The following LPGAT1 variants were observed in gnomAD, a reference collection of about 807,000 sequenced individuals.
LPGAT1 encodes lysophosphatidylglycerol acyltransferase 1.
In LPGAT1, 11 loss-of-function variants were observed where a neutral mutation model predicts 47.5. The observed-to-expected ratio is 0.23, with a 90% CI of 0.15 to 0.38. The LOEUF is 0.38. LPGAT1 is among the 10% of genes least tolerant of loss of function. The probability of loss-of-function intolerance (pLI) is 1.00; values close to 1 mark genes in which losing one functional copy is unlikely to be tolerated. For missense variants in LPGAT1, 293 were observed against 439.0 expected (o/e 0.67, Z 2.97); for synonymous variants, 138 against 144.2 (o/e 0.96, Z 0.31).
At chr1:211,782,340 A>T (rs1490067271) in intron 5 of LPGAT1, among the ~76,000 whole-genome samples, 2 of 152,184 alleles carry the variant, frequency 1.3e-5, no homozygotes, top group Non-Finnish European at 2.9e-5. Flanking sequence ...ATTTCAGATT[A>T]TTTCCTTTTG....
In LPGAT1 at chr1:211,749,992, G is replaced by T. The variant is rs147113335; in HGVS notation, c.1020C>A (p.Ser340Arg). ...KEAVSREMTL[S>R]NLWIFLIQSF... Reference sequence around the variant, plus strand: ...ACTGTATGAGAAATATCCACAAGTTGCTGAGGGTCATCTCCCTGGAAACAG... The same window carrying T: ...ACTGTATGAGAAATATCCACAAGTTTCTGAGGGTCATCTCCCTGGAAACAG... The change falls in exon 8 of 8, where the codon AGC (serine) becomes AGA (arginine). Residue 340 changes from serine (S) to arginine (R), a missense_variant. Physicochemically the swap from Ser to Arg is moderately radical, Grantham distance 110 (BLOSUM62 -1). Transcript: ENST00000366997. 6.2e-7 allele frequency: 1 copy of T among 1,614,038 alleles called. No individual in the cohort carries two copies. The highest frequency in any genetic ancestry group is 8.5e-7 in the Non-Finnish European group (1 of 1,179,910).
chr1:211,753,111 C>T (rs1657273591), intron 6 of LPGAT1, among the ~76,000 whole-genome samples: 1 of 152,188 alleles, frequency 6.6e-6, no homozygotes, highest in Non-Finnish European at 1.5e-5. Flanking sequence ...GAAATTTCAC[C>T]CAGATGCTGC....
intron 2 of LPGAT1, among the ~76,000 whole-genome samples, chr1:211,805,687 T>C (rs1001669250): frequency 1.3e-5 from 2 of 152,174 alleles, no homozygotes; most frequent in African/African-American, 4.8e-5. Flanking sequence ...TTGGCCCAGA[T>C]GGTTTCACTG....
intron 2 of LPGAT1, among the ~76,000 whole-genome samples, chr1:211,821,293 T>C (rs1315113820): frequency 6.6e-6 from 1 of 152,042 alleles, no homozygotes; most frequent in Non-Finnish European, 1.5e-5. Flanking sequence ...AAAAGACAAA[T>C]TCTGAAAATG....
intron 2 of LPGAT1, among the ~76,000 whole-genome samples, chr1:211,814,532 C>T (rs183313423): frequency 6.6e-6 from 1 of 152,306 alleles, no homozygotes; most frequent in African/African-American, 2.4e-5. Context: ...CATTTAAGTG[C>T]TTTCCATGTA....
At chr1:211,782,154 T>G (rs1658667120) in intron 5 of LPGAT1, among the ~76,000 whole-genome samples, 2 of 152,280 alleles carry the variant, frequency 1.3e-5, no homozygotes, top group Admixed American at 1.3e-4. Flanking sequence ...AGCACAAACG[T>G]TTTTCCAAGC....
intron 2 of LPGAT1, among the ~76,000 whole-genome samples, chr1:211,827,104 C>T (rs983577271): frequency 1.3e-5 from 2 of 152,146 alleles, no homozygotes; most frequent in African/African-American, 4.8e-5. Flanking sequence ...TATGACCAGG[C>T]TCTCTGAAAT....
At chr1:211,787,469 C>T (rs988985738) in intron 4 of LPGAT1, among the ~76,000 whole-genome samples, 163 bp downstream of exon 4, 39 of 134,816 alleles carry the variant, frequency 2.9e-4, no homozygotes, top group African/African-American at 1.1e-3. Context: ...GCCTGGGCGA[C>T]AGAGCGAGAC....
At chr1:211,779,873 TAA>T (rs1199769807) in intron 5 of LPGAT1, among the ~76,000 whole-genome samples, 3 of 122,278 alleles carry the variant, frequency 2.5e-5, no homozygotes, top group Non-Finnish European at 5.1e-5. Context: ...AATAAATAAA[TAA>T]ATAAATAAAC....
At chr1:211,774,944 T>C (rs1484349815) in intron 6 of LPGAT1, among the ~76,000 whole-genome samples, 1 of 152,214 alleles carries the variant, frequency 6.6e-6, no homozygotes, top group Non-Finnish European at 1.5e-5. Context: ...ATCTAGATAT[T>C]CTTTTTCTAC....
intron 4 of LPGAT1, among the ~76,000 whole-genome samples, chr1:211,786,547 T>G (rs531472285): frequency 6.6e-6 from 1 of 152,332 alleles, no homozygotes; most frequent in Admixed American, 6.5e-5. Context: ...AATAATGTAG[T>G]GCTGATAAGA....
rs796095298 is a variant in LPGAT1, at chr1:211,750,835, C to G, written c.961+126G>C. Reference sequence around the variant, plus strand: ...GTAAGCTGATTCATGAGGGGATTTGCTTCTCACAGGCAATTTACAGAGTGC... The same window carrying G: ...GTAAGCTGATTCATGAGGGGATTTGGTTCTCACAGGCAATTTACAGAGTGC... On this transcript the variant is annotated intron_variant, in intron 7 of 7. Coordinates refer to ENST00000366997, the MANE Select transcript of LPGAT1 (RefSeq NM_014873.3). 1.1e-5 allele frequency: 7 copies of G among 657,022 alleles called. No homozygotes were observed. In the African/African-American group the frequency reaches 1.1e-4, roughly 10 times the overall value. The allele number at this position is 657,022 out of a possible 1,614,324, so 40.7% of individuals were successfully genotyped here.
At chr1:211,750,170 G>T in intron 7 of LPGAT1, 120 bp from the exon 8 acceptor site, 1 of 800,432 alleles carries the variant, frequency 1.2e-6, no homozygotes, top group Non-Finnish European at 2.1e-6. Context: ...TGACTTTCCA[G>T]TGCCCCAGAG....
intron 2 of LPGAT1, among the ~76,000 whole-genome samples, chr1:211,802,689 A>G (rs1659620276): frequency 6.6e-6 from 1 of 152,196 alleles, no homozygotes; most frequent in South Asian, 2.1e-4. Context: ...CAGCCTTCAA[A>G]TAACAAGAGT....
intron 6 of LPGAT1, among the ~76,000 whole-genome samples, chr1:211,756,857 GTTTTTTTTTTTTTCTCTCT>G (rs1202872991): frequency 2.3e-5 from 3 of 130,748 alleles, no homozygotes; most frequent in Non-Finnish European, 5.0e-5. Context: ...TGTTTGCTTT[GTTTTTTTTTTTTTCTCTCT>G]TTTTTTTTTT....
At position 211,748,851 on chromosome 1, in the gene LPGAT1, A is replaced by G. The variant is rs573393040; in HGVS notation, c.*1048T>C. 4 of 152,690 alleles carry G rather than the reference A, an allele frequency of 2.6e-5. No individual in the cohort carries two copies. In the East Asian group the frequency reaches 7.7e-4, roughly 29 times the overall value. The allele number at this position is 152,690 out of a possible 1,614,324, so 9.5% of individuals were successfully genotyped here. ...GGGTGCCACATGAGAACCTGTCACC[A>G]TTATAAGCCACTAGCTCTTATTTTT... On this transcript the variant is annotated 3_prime_UTR_variant, in exon 8 of 8. Transcript: ENST00000366997.
chr1:211,793,402 ATTATTTAT>A (rs10597980), intron 2 of LPGAT1: 17,162 of 148,556 alleles, frequency 0.12, 1,042 homozygotes, highest in Non-Finnish European at 0.13. Flanking sequence ...TAAAATTATC[ATTATTTAT>A]TTATTTATTT....
intron 6 of LPGAT1, among the ~76,000 whole-genome samples, chr1:211,770,467 G>C (rs1440763290): frequency 6.6e-6 from 1 of 151,918 alleles, no homozygotes; most frequent in African/African-American, 2.4e-5. Context: ...TACTATTATT[G>C]ATTTGTAAAA....
rs760705368 is a variant in LPGAT1, at chr1:211,747,269, T to A, written c.*2630A>T. 6.6e-6 allele frequency: 1 copy of A among 152,102 alleles called. No homozygotes were observed. The highest frequency in any genetic ancestry group is 1.9e-4 in the East Asian group (1 of 5,194). The allele number at this position is 152,102 out of a possible 1,614,324, so 9.4% of individuals were successfully genotyped here. On this transcript the variant is annotated 3_prime_UTR_variant, in exon 8 of 8. Transcript: ENST00000366997. ...AAAGCACTACCAATGCTTTCAAACA[T>A]ATTTTGCAAACAGAAGAGAGAGAAC...
Sources: allele counts gnomAD v4.1 joint callset (sites outside exome capture counted in the v4.1 genomes callset), GRCh38; gene constraint gnomAD v4.1.1; transcripts MANE v1.5; gene names NCBI Gene and HGNC (gene_info 2026-07-23, HGNC 2026-07-21).